NDST4: variants seen among roughly 807,000 people sequenced by gnomAD.
NDST4 encodes N-deacetylase and N-sulfotransferase 4.
Under a neutral mutation model 100.8 loss-of-function variants are expected in NDST4, and 63 were observed. The observed-to-expected ratio is 0.62, with a 90% CI of 0.51 to 0.77. The LOEUF (loss-of-function observed/expected upper bound fraction) is 0.77, where lower values mean the gene tolerates loss of function less well. Ranked by LOEUF, NDST4 falls within the 30% of genes least tolerant of loss-of-function variation. NDST4 has a pLI of 0.00. For missense variants in NDST4, 943 were observed against 1,018.4 expected (o/e 0.93, Z 1.01); for synonymous variants, 377 against 361.8 (o/e 1.04, Z -0.48).
intron 7 of NDST4, among the ~76,000 whole-genome samples, chr4:114,856,495 G>A (rs970997647): frequency 2.6e-5 from 4 of 152,114 alleles, no homozygotes; most frequent in Admixed American, 6.6e-5. Flanking sequence ...CTTGTCAAGT[G>A]AGTTTTCTCT....
chr4:114,957,598 C>A (rs1157968728), intron 4 of NDST4, among the ~76,000 whole-genome samples: 3 of 152,282 alleles, frequency 2.0e-5, no homozygotes, highest in South Asian at 2.1e-4. Context: ...AACAGTCCCC[C>A]AAAGTTTTTA....
chr4:114,896,030 C>CA (rs113554751), intron 6 of NDST4, among the ~76,000 whole-genome samples: 34,447 of 151,930 alleles, frequency 0.23, 5,594 homozygotes, highest in African/African-American at 0.47. Context: ...CTAAATAAAG[C>CA]CTAAAGAATG....
intron 2 of NDST4, among the ~76,000 whole-genome samples, chr4:115,005,989 G>A (rs546302100): frequency 4.2e-4 from 58 of 138,216 alleles, no homozygotes; most frequent in Non-Finnish European, 7.5e-4. Flanking sequence ...CTGAGATCGC[G>A]TCACTGCACT....
At chr4:114,934,609 T>C (rs946834156) in intron 6 of NDST4, among the ~76,000 whole-genome samples, 12 of 151,226 alleles carry the variant, frequency 7.9e-5, no homozygotes, top group Admixed American at 2.6e-4. Context: ...GTTGAACTCA[T>C]AGATCCAGAG....
intron 3 of NDST4, among the ~76,000 whole-genome samples, chr4:114,971,679 T>G (rs1726517576): frequency 6.6e-6 from 1 of 152,240 alleles, no homozygotes; most frequent in Non-Finnish European, 1.5e-5. Flanking sequence ...TTTGATTTTT[T>G]ATTTTTATTT....
intron 2 of NDST4, among the ~76,000 whole-genome samples, chr4:115,058,721 A>G (rs1187030725): frequency 6.6e-6 from 1 of 152,142 alleles, no homozygotes; most frequent in Non-Finnish European, 1.5e-5. Context: ...TAACATTTTC[A>G]GAACCAGTTT....
intron 2 of NDST4, among the ~76,000 whole-genome samples, chr4:115,022,500 T>TGTGTTCC (rs1289964939): frequency 4.9e-4 from 75 of 151,694 alleles, no homozygotes; most frequent in African/African-American, 1.7e-3. Flanking sequence ...TCCATATATA[T>TGTGTTCC]ATATGTTCCA....
intron 4 of NDST4, among the ~76,000 whole-genome samples, chr4:114,969,485 G>A (rs574198314): frequency 6.6e-6 from 1 of 152,104 alleles, no homozygotes; most frequent in Non-Finnish European, 1.5e-5. Context: ...CACTCAAGCA[G>A]GCTCCAGGGT....
intron 2 of NDST4, among the ~76,000 whole-genome samples, chr4:114,982,754 G>A (rs1264636021): frequency 6.6e-6 from 1 of 152,182 alleles, no homozygotes; most frequent in Non-Finnish European, 1.5e-5. Flanking sequence ...AGACAATGGG[G>A]AAAGTGTCTC....
chr4:114,899,183 T>A (rs1724781652), intron 6 of NDST4, among the ~76,000 whole-genome samples: 1 of 152,036 alleles, frequency 6.6e-6, no homozygotes, highest in South Asian at 2.1e-4. Flanking sequence ...TTTTTTGTTT[T>A]TGTTTTTGTT....
chr4:115,077,196 G>A lies in NDST4; in HGVS notation c.-160C>T. The A allele has an allele frequency of 1.5e-6, 1 of 648,986 alleles. No individual in the cohort carries two copies. Among genetic ancestry groups the A allele is most frequent in the South Asian group, 2.0e-5 (1 of 49,098 alleles). 40.2% of individuals were successfully genotyped at this position (648,986 alleles called of 1,614,324 possible). A position where few individuals can be genotyped will look rare whatever the true frequency, so the allele number is the denominator to read the frequency against. ...AGGGAGCACAACTGAGTTAAAGCTGGAAGGCAATAGATGGGAAGGATATAC... is the reference window on the plus strand; with the variant it reads ...AGGGAGCACAACTGAGTTAAAGCTGAAAGGCAATAGATGGGAAGGATATAC... On this transcript the variant is annotated 5_prime_UTR_variant, in exon 2 of 14. Coordinates refer to ENST00000264363, the MANE Select transcript of NDST4 (RefSeq NM_022569.3).
intron 4 of NDST4, among the ~76,000 whole-genome samples, chr4:114,954,992 A>G (rs902542697): frequency 2.0e-5 from 3 of 152,182 alleles, no homozygotes; most frequent in Non-Finnish European, 4.4e-5. Flanking sequence ...ACCTCTCCAG[A>G]AGCAGAAGCT....
chr4:114,836,340 G>A (rs2126181844), intron 11 of NDST4, among the ~76,000 whole-genome samples: 1 of 152,266 alleles, frequency 6.6e-6, no homozygotes, highest in East Asian at 1.9e-4. Flanking sequence ...TTGCTTCTCT[G>A]TAAATAATTC....
intron 2 of NDST4, among the ~76,000 whole-genome samples, chr4:115,022,955 G>T (rs1029648437): frequency 6.6e-6 from 1 of 152,122 alleles, no homozygotes; most frequent in Non-Finnish European, 1.5e-5. Flanking sequence ...CCCCAGCTTC[G>T]GGTATGTTTT....
intron 2 of NDST4, among the ~76,000 whole-genome samples, chr4:115,011,264 A>G (rs1205751845): frequency 6.6e-6 from 1 of 151,962 alleles, no homozygotes; most frequent in Non-Finnish European, 1.5e-5. Context: ...CTGATAGGCC[A>G]AACAATTACC....
Position 114,829,801 on chromosome 4 carries a change from T to C in NDST4, c.2488A>G (p.Met830Val), listed in dbSNP as rs752863165. The change falls in exon 13 of 14, where the codon ATG becomes GTG. Residue 830 changes from methionine to valine, a missense_variant. Met to Val is a conservative substitution (Grantham distance 21). Coordinates refer to ENST00000264363, the MANE Select transcript of NDST4 (RefSeq NM_022569.3). The part of the protein sequence containing the change: ...GKSKGRKYPP[M>V]DPESRTFLSN... ...TAAAAAATTATTACCTCTGGATCCA[T>C]AGGTGGATATTTTCGGCCTTTGCTT... The C allele has an allele frequency of 1.2e-6, 2 of 1,606,908 alleles. No homozygotes were observed. The highest frequency in any genetic ancestry group is 1.7e-6 in the Non-Finnish European group (2 of 1,176,054).
chr4:114,884,590 C>T (rs1724438748), intron 6 of NDST4, among the ~76,000 whole-genome samples: 1 of 152,086 alleles, frequency 6.6e-6, no homozygotes, highest in Non-Finnish European at 1.5e-5. Context: ...CCTCAACAGA[C>T]ATAATGTTTA....
intron 2 of NDST4, among the ~76,000 whole-genome samples, chr4:115,072,240 A>G (rs1005520257): frequency 9.9e-5 from 15 of 152,098 alleles, no homozygotes; most frequent in Non-Finnish European, 1.9e-4. Flanking sequence ...CCCACTGATG[A>G]AGTAGAAAAA....
intron 2 of NDST4, among the ~76,000 whole-genome samples, chr4:115,054,430 CACA>C (rs1285485787): frequency 2.6e-4 from 40 of 152,192 alleles, no homozygotes; most frequent in African/African-American, 7.7e-4. Context: ...CTAGTGGGCA[CACA>C]ACTTCTAAGT....
Sources: allele counts gnomAD v4.1 joint callset (sites outside exome capture counted in the v4.1 genomes callset), GRCh38; gene constraint gnomAD v4.1.1; transcripts MANE v1.5; gene names NCBI Gene and HGNC (gene_info 2026-07-23, HGNC 2026-07-21).